Variants in CCR6 observed in about 807,000 individuals in gnomAD.
CCR6 encodes C-C motif chemokine receptor 6.
Under a neutral mutation model 3.0 loss-of-function variants are expected in CCR6, and 2 were observed. The ratio of observed to expected loss-of-function variants is 0.66; its 90% CI spans 0.27 to 2.07. CCR6 has a LOEUF of 2.07. CCR6 is among the 30% of genes most tolerant of loss of function. The pLI is 0.14. For missense variants in CCR6, 322 were observed against 462.8 expected (o/e 0.70, Z 2.79); for synonymous variants, 193 against 184.3 (o/e 1.05, Z -0.38).
intron 1 of CCR6, among the ~76,000 whole-genome samples, chr6:167,132,803 A>G (rs1030601730): frequency 6.6e-6 from 1 of 152,090 alleles, no homozygotes; most frequent in Non-Finnish European, 1.5e-5. Flanking sequence ...GGCCTCCCAA[A>G]TTGCTGGGAT....
chr6:167,133,747 T>C (rs1486614788), intron 1 of CCR6, among the ~76,000 whole-genome samples: 4 of 151,708 alleles, frequency 2.6e-5, no homozygotes, highest in Non-Finnish European at 5.9e-5. Flanking sequence ...TGAAATGTCA[T>C]TGAAAATTGA....
At chr6:167,127,509 A>G (rs1405108190) in intron 1 of CCR6, among the ~76,000 whole-genome samples, 5 of 152,182 alleles carry the variant, frequency 3.3e-5, no homozygotes, top group African/African-American at 7.2e-5. Context: ...TCACTTTTAG[A>G]TGCTGGATGC....
At chr6:167,125,124 A>T (rs757624819) in intron 1 of CCR6, among the ~76,000 whole-genome samples, 5 of 152,226 alleles carry the variant, frequency 3.3e-5, no homozygotes, top group African/African-American at 9.7e-5. Context: ...ATATGCACAC[A>T]CACACACATA....
At chr6:167,130,969 T>TGGGCCCCCCTCCTTCC (rs1455539867) in intron 1 of CCR6, among the ~76,000 whole-genome samples, 1 of 96,600 alleles carries the variant, frequency 1.0e-5, no homozygotes, top group East Asian at 2.9e-4. Context: ...CTCCTCCCTC[T>TGGGCCCCCCTCCTTCC]GGGACCACCC....
At chr6:167,112,888 A>G (rs961772617) in intron 1 of CCR6, among the ~76,000 whole-genome samples, 9 of 152,180 alleles carry the variant, frequency 5.9e-5, no homozygotes, top group Admixed American at 2.0e-4. Flanking sequence ...TGATGCTGCA[A>G]TGCATCAGAA....
At chr6:167,132,450 A>G (rs1781783472) in intron 1 of CCR6, among the ~76,000 whole-genome samples, 1 of 152,154 alleles carries the variant, frequency 6.6e-6, no homozygotes, top group Non-Finnish European at 1.5e-5. Context: ...TGAGAGCCCC[A>G]GATGCACCAT....
chr6:167,121,504 C>G (rs1480059894), upstream of CCR6: 1 of 152,328 alleles, frequency 6.6e-6, no homozygotes, highest in African/African-American at 2.4e-5. Flanking sequence ...CTGTTTCTTC[C>G]TCCTATGGGC....
At chr6:167,114,624 C>G (rs1781466111) in intron 1 of CCR6, among the ~76,000 whole-genome samples, 1 of 152,240 alleles carries the variant, frequency 6.6e-6, no homozygotes, top group South Asian at 2.1e-4. Context: ...TATGCAGAGC[C>G]CCCTGGCCGA....
chr6:167,115,783 A>AT (rs1250749133), intron 1 of CCR6: 1 of 152,216 alleles, frequency 6.6e-6, no homozygotes, highest in African/African-American at 2.4e-5. Flanking sequence ...TACAAAGAGA[A>AT]TTTTTTAATA....
Position 167,124,596 on chromosome 6 carries a change from A to G in CCR6, c.-98+1373A>G, listed in dbSNP as rs41344644. 8.0e-3 allele frequency among the ~76,000 whole-genome samples: 1,214 copies of G among 152,312 alleles called. 29 individuals carry two copies. Among genetic ancestry groups the G allele is most frequent in the African/African-American group, 0.028 (1,166 of 41,552 alleles). On this transcript the variant is annotated intron_variant, in intron 1 of 2. Transcript: ENST00000341935. Reference sequence around the variant, plus strand: ...CATTTCACTAAGACCTGCTGGTGGCAAGGTGAATTAGAACGGCGAGTAAGA... The same window carrying G: ...CATTTCACTAAGACCTGCTGGTGGCGAGGTGAATTAGAACGGCGAGTAAGA...
chr6:167,130,765 A>G (rs1449201032), intron 1 of CCR6, among the ~76,000 whole-genome samples: 1 of 151,882 alleles, frequency 6.6e-6, no homozygotes, highest in Non-Finnish European at 1.5e-5. Flanking sequence ...GAATTTATCA[A>G]TTTTGGTTCA....
In CCR6 at chr6:167,136,479, C is replaced by A; in HGVS notation, c.249C>A (p.Val83=). 1.9e-6 allele frequency: 3 copies of A among 1,598,208 alleles called. No individual in the cohort carries two copies. The highest frequency in any genetic ancestry group is 2.6e-6 in the Non-Finnish European group (3 of 1,171,938). ...FYKKARSMTD[V]YLLNMAIADI... Reference sequence around the variant, plus strand: ...AGAAGGCCAGGTCTATGACAGACGTCTATCTCTTGAACATGGCCATTGCAG... The same window carrying A: ...AGAAGGCCAGGTCTATGACAGACGTATATCTCTTGAACATGGCCATTGCAG... The change falls in exon 3 of 3, where the codon GTC becomes GTA. Residue 83 remains valine (V), a synonymous_variant. Transcript: ENST00000341935. This position sits in a 1 kb window ranked among gnomAD's most constrained non-coding sequence, Gnocchi z 4.6.
upstream of CCR6, chr6:167,123,034 G>A (rs766770307): frequency 6.5e-6 from 1 of 152,722 alleles, no homozygotes; most frequent in Non-Finnish European, 1.5e-5. Context: ...GCAAATAGGC[G>A]TTACTTTTCA....
intron 1 of CCR6, chr6:167,129,721 A>G (rs1278232235): frequency 6.6e-6 from 1 of 151,628 alleles, no homozygotes; most frequent in Non-Finnish European, 1.5e-5. Flanking sequence ...TGAAGGAGAT[A>G]CTCAGGGGAT....
chr6:167,130,902 C>G (rs1781742766), intron 1 of CCR6, among the ~76,000 whole-genome samples: 1 of 145,898 alleles, frequency 6.9e-6, no homozygotes, highest in East Asian at 1.9e-4. Context: ...GTATCTGGTT[C>G]CCTCTGGGCC....
chr6:167,133,932 G>GTATATATATATATATATATATATA (rs6149918), intron 1 of CCR6, among the ~76,000 whole-genome samples: 4 of 110,340 alleles, frequency 3.6e-5, no homozygotes, highest in African/African-American at 8.8e-5. Context: ...ATATATGTGT[G>GTATATATATATATATATATATATA]TATATATATA....
chr6:167,131,777 A>T (rs1475130269), intron 1 of CCR6, among the ~76,000 whole-genome samples: 1 of 152,214 alleles, frequency 6.6e-6, no homozygotes, highest in Non-Finnish European at 1.5e-5. Flanking sequence ...TTATGGCACT[A>T]AGTGTCTGTT....
chr6:167,118,938 G>A (rs1411444127), upstream of CCR6, among the ~76,000 whole-genome samples: 1 of 152,156 alleles, frequency 6.6e-6, no homozygotes, highest in Non-Finnish European at 1.5e-5. Context: ...CCGCCAGGAG[G>A]AGGGTGCACC....
chr6:167,132,012 A>G (rs1002349996), intron 1 of CCR6, among the ~76,000 whole-genome samples: 1 of 152,144 alleles, frequency 6.6e-6, no homozygotes, highest in Non-Finnish European at 1.5e-5. Flanking sequence ...CGTCCTGATG[A>G]CAATCCCTGA....
Sources: allele counts gnomAD v4.1 joint callset (sites outside exome capture counted in the v4.1 genomes callset), GRCh38; gene constraint gnomAD v4.1.1; non-coding constraint Gnocchi (gnomAD v3.1); transcripts MANE v1.5; gene names NCBI Gene and HGNC (gene_info 2026-07-23, HGNC 2026-07-21).